Variants in PIAS2 observed in about 807,000 individuals in gnomAD.
PIAS2 encodes the protein E3 SUMO-protein ligase PIAS2.
In PIAS2, 19 loss-of-function variants were observed where a neutral mutation model predicts 69.7. That is an observed-to-expected ratio of 0.27 (90% CI 0.19 to 0.40). PIAS2 has a LOEUF of 0.40. Ranked by LOEUF, PIAS2 falls within the 10% of genes least tolerant of loss-of-function variation. PIAS2 has a pLI of 1.00. For synonymous variants in PIAS2, 261 were observed against 263.2 expected (o/e 0.99, Z 0.08); for missense variants, 624 against 757.0 (o/e 0.82, Z 2.06).
intron 2 of PIAS2, among the ~76,000 whole-genome samples, chr18:46,876,701 T>A (rs1472966648): frequency 7.3e-6 from 1 of 136,158 alleles, no homozygotes; most frequent in Non-Finnish European, 1.7e-5. Context: ...TTACTAATTT[T>A]TTTTTTTTTT....
chr18:46,897,865 T>C lies in PIAS2; in HGVS notation c.25-6811A>G, dbSNP rs151243326. Among the ~76,000 whole-genome samples, 658 of 151,784 alleles carry C rather than the reference T, an allele frequency of 4.3e-3. 5 individuals are homozygous for C. The highest frequency in any genetic ancestry group is 0.015 in the African/African-American group (609 of 41,460). On this transcript the variant is annotated intron_variant, in intron 1 of 13. Transcript: ENST00000585916. ...AAAAATTCTAGATAATACAAGGCAA[T>C]ATAATTTTTGGGTTTTTTTTTTTTG...
At chr18:46,860,047 T>C (rs2048425997) in intron 3 of PIAS2, among the ~76,000 whole-genome samples, 1 of 152,116 alleles carries the variant, frequency 6.6e-6, no homozygotes. Context: ...CAAAAAAACC[T>C]GGACAAGAAT....
rs564481913 is a variant in PIAS2, at chr18:46,828,122, C to T, written c.1345G>A (p.Val449Ile). 43 of 1,586,146 alleles carry T rather than the reference C, an allele frequency of 2.7e-5. No individual in the cohort carries two copies. In the South Asian group the frequency reaches 3.2e-4, roughly 12 times the overall value. The change falls in exon 11 of 14, where the codon GTC becomes ATC. Residue 449 changes from valine (V) to isoleucine (I), a missense_variant. Physicochemically the swap from Val to Ile is conservative, Grantham distance 29 (BLOSUM62 3). Coordinates refer to ENST00000585916, the MANE Select transcript of PIAS2 (RefSeq NM_004671.5). Reference sequence around the variant, plus strand: ...GTCACTGAACAAGGCTTACTGAGGACGCTTGAACCTGCATGTAAAGAAACA... The same window carrying T: ...GTCACTGAACAAGGCTTACTGAGGATGCTTGAACCTGCATGTAAAGAAACA... ...QPCTKIESSS[V>I]LSKPCSVTVA...
At chr18:46,900,996 A>T (rs1356852566) in intron 1 of PIAS2, 1 of 393,174 alleles carries the variant, frequency 2.5e-6, no homozygotes, top group African/African-American at 2.2e-5. Flanking sequence ...AAAAATAAAA[A>T]TAAGGAAGAA....
chr18:46,830,327 G>C (rs562926904), intron 9 of PIAS2, among the ~76,000 whole-genome samples: 1 of 152,032 alleles, frequency 6.6e-6, no homozygotes, highest in Non-Finnish European at 1.5e-5. Flanking sequence ...TTTAAAATAA[G>C]TGTATTTGAA....
chr18:46,805,729 G>A lies in PIAS2; in HGVS notation c.*6704C>T, dbSNP rs1321257705. 1 of 152,218 alleles carries A rather than the reference G, an allele frequency of 6.6e-6. No homozygotes were observed. The highest frequency in any genetic ancestry group is 1.5e-5 in the Non-Finnish European group (1 of 68,052). 9.4% of individuals were successfully genotyped at this position (152,218 alleles called of 1,614,324 possible). ...AAGTATGGCCTAGGAAGGGATCAGTGACTGGGGCGTGACTAGAACATAATA... is the reference window on the plus strand; with the variant it reads ...AAGTATGGCCTAGGAAGGGATCAGTAACTGGGGCGTGACTAGAACATAATA... On this transcript the variant is annotated 3_prime_UTR_variant, in exon 14 of 14. Transcript: ENST00000585916.
chr18:46,832,416 AAAAC>A (rs555137415), intron 9 of PIAS2, among the ~76,000 whole-genome samples: 42 of 150,648 alleles, frequency 2.8e-4, no homozygotes, highest in Middle Eastern at 3.5e-3. Flanking sequence ...ACTCCATCTC[AAAAC>A]AAACAAACAA....
intron 2 of PIAS2, among the ~76,000 whole-genome samples, chr18:46,867,322 A>C (rs1256079148): frequency 6.6e-6 from 1 of 152,208 alleles, no homozygotes; most frequent in East Asian, 1.9e-4. Flanking sequence ...ACAGCAACAA[A>C]AAATTGTGCA....
At chr18:46,903,328 T>C (rs532704517) in intron 1 of PIAS2, among the ~76,000 whole-genome samples, 1 of 151,930 alleles carries the variant, frequency 6.6e-6, no homozygotes, top group Non-Finnish European at 1.5e-5. Context: ...AGGACTACTA[T>C]CTAGGATATA....
chr18:46,849,872 C>T (rs2046707717), intron 5 of PIAS2, among the ~76,000 whole-genome samples: 1 of 152,140 alleles, frequency 6.6e-6, no homozygotes, highest in Non-Finnish European at 1.5e-5. Context: ...ACACACACCA[C>T]AAAAATACAC....
chr18:46,891,554 G>A (rs1424248779), intron 1 of PIAS2: 1 of 302,098 alleles, frequency 3.3e-6, no homozygotes, highest in Admixed American at 6.5e-5. Flanking sequence ...GATCCAAAAT[G>A]CAATGAATTT....
At chr18:46,870,364 C>T (rs1429622806) in intron 2 of PIAS2, among the ~76,000 whole-genome samples, 1 of 152,026 alleles carries the variant, frequency 6.6e-6, no homozygotes, top group Non-Finnish European at 1.5e-5. Flanking sequence ...GCCTGTAATC[C>T]CAGCACTCTG....
intron 1 of PIAS2, among the ~76,000 whole-genome samples, chr18:46,902,329 G>A (rs932771062): frequency 1.2e-4 from 18 of 151,884 alleles, no homozygotes; most frequent in African/African-American, 4.1e-4. Flanking sequence ...GGCTGAGGTG[G>A]GCAGATCACC....
At chr18:46,870,010 C>T (rs1429350875) in intron 2 of PIAS2, among the ~76,000 whole-genome samples, 4 of 152,104 alleles carry the variant, frequency 2.6e-5, no homozygotes, top group Non-Finnish European at 5.9e-5. Context: ...CCACCCACCT[C>T]CGCCAAATCC....
chr18:46,866,739 G>A (rs777223954), intron 2 of PIAS2, among the ~76,000 whole-genome samples: 5 of 152,116 alleles, frequency 3.3e-5, no homozygotes, highest in Non-Finnish European at 7.4e-5. Context: ...GGTAGATAAA[G>A]GAAATTATCT....
In PIAS2 at chr18:46,808,314, T is replaced by C. The variant is rs1014965203; in HGVS notation, c.*4119A>G. 2 of 152,234 alleles carry C rather than the reference T, an allele frequency of 1.3e-5. No individual in the cohort carries two copies. The highest frequency in any genetic ancestry group is 1.9e-4 in the East Asian group (1 of 5,200). 9.4% of individuals were successfully genotyped at this position (152,234 alleles called of 1,614,324 possible). A position where few individuals can be genotyped will look rare whatever the true frequency, so the allele number is the denominator to read the frequency against. ...CAATTAATTGTTATACTTTTCTGTA[T>C]TGTCTAAATTTTCCACAATAAGCAT... On this transcript the variant is annotated 3_prime_UTR_variant, in exon 14 of 14. Coordinates refer to ENST00000585916, the MANE Select transcript of PIAS2 (RefSeq NM_004671.5).
rs927829018 is a variant in PIAS2, at chr18:46,805,907, G to A, written c.*6526C>T. 3.3e-5 allele frequency: 5 copies of A among 152,050 alleles called. No homozygotes were observed. The highest frequency in any genetic ancestry group is 4.8e-5 in the African/African-American group (2 of 41,380). The allele number at this position is 152,050 out of a possible 1,614,324, so 9.4% of individuals were successfully genotyped here. A position where few individuals can be genotyped will look rare whatever the true frequency, so the allele number is the denominator to read the frequency against. On this transcript the variant is annotated 3_prime_UTR_variant, in exon 14 of 14. Coordinates refer to ENST00000585916, the MANE Select transcript of PIAS2 (RefSeq NM_004671.5). ...CATCACTGTCTCCCATACATGATTC[G>A]TCTTCACTCTAAACTGCCTCCTGTC...
chr18:46,822,884 G>C (rs2042332809), intron 11 of PIAS2, among the ~76,000 whole-genome samples: 1 of 152,026 alleles, frequency 6.6e-6, no homozygotes, highest in African/African-American at 2.4e-5. Flanking sequence ...TTAACAGGCA[G>C]GCTTTTGAAG....
intron 12 of PIAS2, among the ~76,000 whole-genome samples, chr18:46,818,985 A>C (rs2041876581): frequency 6.6e-6 from 1 of 152,092 alleles, no homozygotes; most frequent in Admixed American, 6.6e-5. Flanking sequence ...TTTATGCCCA[A>C]ATTCTGAAAT....
Sources: gnomAD v4.1 joint callset for allele counts (sites outside exome capture counted in the v4.1 genomes callset) on GRCh38, gnomAD v4.1.1 for gene constraint, MANE v1.5 for transcripts, NCBI Gene and HGNC (gene_info 2026-07-23, HGNC 2026-07-21) for gene names.